The following RYR1 variants were observed in gnomAD, a reference collection of about 807,000 sequenced individuals.
RYR1 encodes the protein central core disease of muscle.
Under a neutral mutation model 583.5 loss-of-function variants are expected in RYR1, and 342 were observed. That is an observed-to-expected ratio of 0.59 (90% CI 0.54 to 0.64). RYR1 has a LOEUF of 0.64. Ranked by LOEUF, RYR1 falls within the 30% of genes least tolerant of loss-of-function variation. The pLI, the probability that RYR1 is intolerant of heterozygous loss-of-function variation, is 0.00. For synonymous variants in RYR1, 2,791 were observed against 2,822.5 expected, an observed-to-expected ratio of 0.99 and a Z score of 0.35; for missense variants, 6,032 against 6,917.2, an observed-to-expected ratio of 0.87 and a Z score of 4.54.
At chr19:38,518,671 G>A (rs1057412845) in intron 66 of RYR1, among the ~76,000 whole-genome samples, 3 of 152,158 alleles carry the variant, frequency 2.0e-5, no homozygotes, top group African/African-American at 7.2e-5. Context: ...GCTCACGCCT[G>A]TAATCCCAGC....
chr19:38,526,866 A>C, intron 71 of RYR1, 127 bp from the exon 72 acceptor site: 1 of 969,168 alleles, frequency 1.0e-6, no homozygotes, highest in Non-Finnish European at 1.6e-6. Flanking sequence ...TGTTTCTCTC[A>C]GACCCCCACC....
intron 91 of RYR1, among the ~76,000 whole-genome samples, chr19:38,566,627 G>T (rs1973450511): frequency 6.6e-6 from 1 of 151,986 alleles, no homozygotes; most frequent in South Asian, 2.1e-4. Flanking sequence ...GGAATGCCTT[G>T]GGAATGTGGA....
intron 101 of RYR1, 110 bp downstream of exon 101, chr19:38,580,614 C>T (rs1974160904): frequency 2.9e-6 from 4 of 1,376,568 alleles, no homozygotes; most frequent in South Asian, 1.2e-5. Context: ...AATCCCAGTG[C>T]GTCGGGAGGC....
intron 99 of RYR1, among the ~76,000 whole-genome samples, chr19:38,579,766 G>A (rs1374053415): frequency 6.6e-6 from 1 of 151,966 alleles, no homozygotes; most frequent in Non-Finnish European, 1.5e-5. Context: ...CCCTCAGTGT[G>A]CCCTTAGATT....
intron 81 of RYR1, chr19:38,535,697 C>T: frequency 8.5e-6 from 5 of 590,992 alleles, no homozygotes; most frequent in South Asian, 8.1e-5. Flanking sequence ...ATTAATCTGC[C>T]TCTACTGTTG....
At chr19:38,489,025 C>CG (rs1277638567) in intron 34 of RYR1, 152 bp from the exon 35 acceptor site, 23 of 746,460 alleles carry the variant, frequency 3.1e-5, no homozygotes, top group Middle Eastern at 6.1e-4. Context: ...GATGGCAAGG[C>CG]GGGGGATGCC....
Position 38,442,500 on chromosome 19 carries a change from A to G in RYR1, c.270+47A>G, listed in dbSNP as rs1342975113. 4.1e-6 allele frequency: 6 copies of G among 1,452,490 alleles called. No homozygotes were observed. In the African/African-American group the frequency reaches 7.0e-5, roughly 17 times the overall value. 90.0% of individuals were successfully genotyped at this position (1,452,490 alleles called of 1,614,324 possible). A position where few individuals can be genotyped will look rare whatever the true frequency, so the allele number is the denominator to read the frequency against. On this transcript the variant is annotated intron_variant, in intron 3 of 105. Coordinates refer to ENST00000359596, the MANE Select transcript of RYR1 (RefSeq NM_000540.3). The stretch of plus-strand genomic sequence containing the variant: ...GGGCGGGGTGGCAGAGATGGGCGAG[A>G]GGACCCAGGGGTCGTTTAGGGCACG...
chr19:38,512,824 A>C lies in RYR1; in HGVS notation c.9472+341A>C, dbSNP rs1387139851. ...ACTAAAAAAAAAAAGAAAAATTTAA[A>C]GATTAGCCAGGCATGGAGGCACATG... On this transcript the variant is annotated intron_variant, in intron 63 of 105. Transcript: ENST00000359596. This position sits in a 1 kb window ranked among gnomAD's most constrained non-coding sequence, Gnocchi z 5.1. 2.0e-5 allele frequency among the ~76,000 whole-genome samples: 3 copies of C among 151,816 alleles called. No homozygotes were observed. Among genetic ancestry groups the C allele is most frequent in the African/African-American group, 7.3e-5 (3 of 41,296 alleles).
intron 97 of RYR1, among the ~76,000 whole-genome samples, chr19:38,576,911 AGTCTCGCTCT>A (rs1201437921): frequency 6.6e-6 from 1 of 151,906 alleles, no homozygotes; most frequent in Non-Finnish European, 1.5e-5. Context: ...TTTGAGACGG[AGTCTCGCTCT>A]GTTACCCAGT....
intron 64 of RYR1, 73 bp downstream of exon 64, chr19:38,515,180 G>C (rs1312447976): frequency 2.7e-6 from 3 of 1,095,286 alleles, no homozygotes; most frequent in African/African-American, 3.1e-5. Flanking sequence ...GAAGAAGATG[G>C]GGTGGGTGAA....
Position 38,502,676 on chromosome 19 carries a change from T to C in RYR1, c.7784T>C (p.Leu2595Pro). 6.2e-7 allele frequency: 1 copy of C among 1,608,378 alleles called. No homozygotes were observed. The highest frequency in any genetic ancestry group is 8.5e-7 in the Non-Finnish European group (1 of 1,179,374). Residue 2595 changes from leucine to proline, a missense_variant, in exon 48 of 106, where the codon CTC becomes CCC. Coordinates refer to ENST00000359596, the MANE Select transcript of RYR1 (RefSeq NM_000540.3). ...TACCGCCTGTCTCGGGGTCGTTCGC[T>C]CACCAAGGCGCAGCGTGACGTCATC... is the stretch of plus-strand genomic sequence containing the variant. The part of the protein sequence containing the change: ...TVYRLSRGRS[L>P]TKAQRDVIED...
intron 42 of RYR1, among the ~76,000 whole-genome samples, chr19:38,498,621 T>C (rs375021091): frequency 2.0e-5 from 3 of 152,204 alleles, no homozygotes; most frequent in Non-Finnish European, 4.4e-5. Flanking sequence ...CTTGATGATA[T>C]GCTGTTTAGC....
chr19:38,489,034 C>T, intron 34 of RYR1, 143 bp from the exon 35 acceptor site: 2 of 779,040 alleles, frequency 2.6e-6, no homozygotes, highest in East Asian at 2.6e-5. Context: ...GCGGGGGATG[C>T]CATTCCTGCT....
At position 38,548,511 on chromosome 19, in the gene RYR1, C is replaced by T. The variant is rs974535045; in HGVS notation, c.12282+91C>T. The T allele has an allele frequency of 5.8e-6, 7 of 1,197,606 alleles. No homozygotes were observed. In the African/African-American group the frequency reaches 6.0e-5, roughly 10 times the overall value. The allele number at this position is 1,197,606 out of a possible 1,614,324, so 74.2% of individuals were successfully genotyped here. A position where few individuals can be genotyped will look rare whatever the true frequency, so the allele number is the denominator to read the frequency against. On this transcript the variant is annotated intron_variant, in intron 89 of 105. Transcript: ENST00000359596. ...CTGGCTGGCTGCCTCAGGCAAGAGA[C>T]ATCTCTGCAAGCCTCACTTTCCTTG...
Position 38,519,243 on chromosome 19 carries a change from C to T in RYR1, c.10048C>T (p.Arg3350Trp), listed in dbSNP as rs200355885. 6.2e-6 allele frequency: 10 copies of T among 1,614,004 alleles called. No homozygotes were observed. The highest frequency in any genetic ancestry group is 4.5e-5 in the East Asian group (2 of 44,888). ...CGCACAGCCCATTGTGAGCCGTGCA[C>T]GGCCGGAGCTCCTGCAGTCCCACTT... is the stretch of plus-strand genomic sequence containing the variant. ...VFAQPIVSRA[R>W]PELLQSHFIP... The change falls in exon 67 of 106, where the codon CGG becomes TGG. Residue 3350 changes from arginine to tryptophan, a missense_variant. By Grantham distance (101) the Arg-to-Trp change is moderately radical (BLOSUM62 -3). Transcript: ENST00000359596.
In RYR1 at chr19:38,459,248, G is replaced by T. The variant is rs929824581; in HGVS notation, c.2270G>T (p.Arg757Leu). The T allele has an allele frequency of 1.2e-6, 2 of 1,614,056 alleles. No homozygotes were observed. The highest frequency in any genetic ancestry group is 1.7e-5 in the Admixed American group (1 of 60,016). The change falls in exon 19 of 106, where the codon CGC (arginine) becomes CTC (leucine). Residue 757 changes from arginine to leucine, a missense_variant. Arg to Leu is a moderately radical substitution (Grantham distance 102, BLOSUM62 -2). This residue lies in a region of RYR1 where 2,627 missense variants were observed against 2,961.3 expected (regional missense o/e 0.89). Coordinates refer to ENST00000359596, the MANE Select transcript of RYR1 (RefSeq NM_000540.3). ...LDLSVPSISF[R>L]INGCPVQGVF... is the part of the protein sequence containing the mutation. ...CTCAGCGTGCCGTCCATCTCCTTCCGCATCAACGGCTGCCCCGTGCAGGGT... is the reference window on the plus strand; with the variant it reads ...CTCAGCGTGCCGTCCATCTCCTTCCTCATCAACGGCTGCCCCGTGCAGGGT...
chr19:38,435,329 C>T (rs1972378398), intron 1 of RYR1, among the ~76,000 whole-genome samples: 1 of 152,208 alleles, frequency 6.6e-6, no homozygotes, highest in South Asian at 2.1e-4. Context: ...TGGGCCCAGA[C>T]TTGCCAAAGT....
intron 11 of RYR1, among the ~76,000 whole-genome samples, chr19:38,449,829 AGAGAGGG>A (rs1966986018): frequency 6.6e-6 from 1 of 150,506 alleles, no homozygotes. Context: ...TGGTGAGGAA[AGAGAGGG>A]GATGGGAACA....
rs183598310 is a variant in RYR1, at chr19:38,509,484, G to C, written c.8933-1014G>C. ...TTTTTTTTTTTTGAGACGGAGTCTT[G>C]CTCTGTCACCCAGGTTGGACTGCAG... On this transcript the variant is annotated intron_variant, in intron 58 of 105. Coordinates refer to ENST00000359596, the MANE Select transcript of RYR1 (RefSeq NM_000540.3). Among the ~76,000 whole-genome samples, 537 of 127,142 alleles carry C rather than the reference G, an allele frequency of 4.2e-3. 6 individuals carry two copies. Among genetic ancestry groups the C allele is most frequent in the Admixed American group, 6.6e-3 (74 of 11,132 alleles). 83.4% of individuals were successfully genotyped at this position (127,142 alleles called of 152,430 possible). A position where few individuals can be genotyped will look rare whatever the true frequency, so the allele number is the denominator to read the frequency against.
Sources: allele counts gnomAD v4.1 joint callset (sites outside exome capture counted in the v4.1 genomes callset), GRCh38; gene constraint gnomAD v4.1.1; regional missense constraint gnomAD v4.1.1; non-coding constraint Gnocchi (gnomAD v3.1); transcripts MANE v1.5; gene names NCBI Gene and HGNC (gene_info 2026-07-23, HGNC 2026-07-21).